The following FAM227A variants were observed in gnomAD, a reference collection of about 807,000 sequenced individuals.
FAM227A encodes protein FAM227A.
FAM227A carries 80 observed loss-of-function variants against 74.7 expected under a neutral mutation model. The observed-to-expected ratio is 1.07, with a 90% CI of 0.89 to 1.29. FAM227A has a LOEUF of 1.29. Ranked by LOEUF, FAM227A falls within the 50% of genes most tolerant of loss-of-function variation. The pLI, the probability that FAM227A is intolerant of heterozygous loss-of-function variation, is 0.00. For missense variants in FAM227A, 654 were observed against 683.4 expected, an observed-to-expected ratio of 0.96 and a Z score of 0.48; for synonymous variants, 237 against 241.8, an observed-to-expected ratio of 0.98 and a Z score of 0.19.
chr22:38,621,954 A>G (rs1390325221), intron 10 of FAM227A, among the ~76,000 whole-genome samples: 1 of 151,928 alleles, frequency 6.6e-6, no homozygotes, highest in African/African-American at 2.4e-5. Context: ...CTGCAGGACA[A>G]TTGTGTGGCC....
intron 4 of FAM227A, 52 bp from the exon 5 acceptor site, chr22:38,638,874 A>T: frequency 1.7e-6 from 2 of 1,188,292 alleles, no homozygotes; most frequent in Non-Finnish European, 2.4e-6. Flanking sequence ...GTCTGTCCAC[A>T]GCTGTGCGGT....
At chr22:38,633,834 C>G (rs527663354) in intron 6 of FAM227A, among the ~76,000 whole-genome samples, 1 of 152,248 alleles carries the variant, frequency 6.6e-6, no homozygotes, top group African/African-American at 2.4e-5. Context: ...GCCACTGTGC[C>G]CGGCCTATCA....
chr22:38,607,038 G>A (rs866602733), intron 12 of FAM227A, among the ~76,000 whole-genome samples: 5 of 151,984 alleles, frequency 3.3e-5, no homozygotes, highest in African/African-American at 4.8e-5. Context: ...TTAGCCAGGC[G>A]TGGTAGCGCA....
At chr22:38,634,281 C>G (rs1224715517) in intron 6 of FAM227A, among the ~76,000 whole-genome samples, 5 of 147,352 alleles carry the variant, frequency 3.4e-5, no homozygotes, top group Non-Finnish European at 3.0e-5. Flanking sequence ...TGATACTTTT[C>G]ATTCAACAAC....
chr22:38,617,003 G>A (rs561449054), intron 11 of FAM227A, among the ~76,000 whole-genome samples: 3 of 152,138 alleles, frequency 2.0e-5, no homozygotes, highest in Admixed American at 2.0e-4. Context: ...TGATTTCTCA[G>A]TGAAGACCTT....
chr22:38,621,349 CA>C lies in FAM227A; in HGVS notation c.959-1059del, dbSNP rs35716573. On this transcript the variant is annotated intron_variant, in intron 10 of 16. Coordinates refer to ENST00000535113, the MANE Select transcript of FAM227A (RefSeq NM_001013647.2). ...TGGGTGACACAGAAAGACTCTGTCT[CA>C]AAAAAAAAAAAAAGAAAGAAAAGAA... 4.4e-3 allele frequency among the ~76,000 whole-genome samples: 350 copies of C among 79,140 alleles called. 1 individual carries two copies. Among genetic ancestry groups the C allele is most frequent in the South Asian group, 0.024 (56 of 2,296 alleles). The allele number at this position is 79,140 out of a possible 152,430, so 51.9% of individuals were successfully genotyped here. A position where few individuals can be genotyped will look rare whatever the true frequency, so the allele number is the denominator to read the frequency against.
At chr22:38,620,757 C>T (rs1347402871) in intron 10 of FAM227A, among the ~76,000 whole-genome samples, 2 of 150,592 alleles carry the variant, frequency 1.3e-5, no homozygotes, top group Non-Finnish European at 3.0e-5. Context: ...TGCAGTGAGC[C>T]GAGATTGCGT....
chr22:38,626,088 G>T, intron 9 of FAM227A, 92 bp downstream of exon 9: 1 of 1,272,726 alleles, frequency 7.9e-7, no homozygotes, highest in Non-Finnish European at 1.1e-6. Context: ...CCTTCATGAA[G>T]GGGTGTCATA....
At chr22:38,591,743 C>G (rs1420272792) in intron 15 of FAM227A, among the ~76,000 whole-genome samples, 2 of 152,142 alleles carry the variant, frequency 1.3e-5, no homozygotes, top group South Asian at 2.1e-4. Context: ...ATGTAACCAG[C>G]ACTCGGATCG....
rs2091991553 is a variant in FAM227A, at chr22:38,635,785, A to T, written c.519+666T>A. 2.0e-5 allele frequency among the ~76,000 whole-genome samples: 3 copies of T among 152,310 alleles called. No homozygotes were observed. The South Asian group carries it at 6.2e-4, about 32-fold the overall frequency. On this transcript the variant is annotated intron_variant, in intron 6 of 16. Coordinates refer to ENST00000535113, the MANE Select transcript of FAM227A (RefSeq NM_001013647.2). Reference sequence around the variant, plus strand: ...AGGATGGGGAGGGGAAGATGGCTTGAGCCCTGGAGTTGGAGAATAGCCTGG... The same window carrying T: ...AGGATGGGGAGGGGAAGATGGCTTGTGCCCTGGAGTTGGAGAATAGCCTGG...
chr22:38,595,905 C>G (rs1257001704), intron 15 of FAM227A, among the ~76,000 whole-genome samples: 2 of 148,598 alleles, frequency 1.3e-5, no homozygotes. Flanking sequence ...GAGGAAATAT[C>G]AGAAAAACCC....
chr22:38,616,937 A>AG (rs1460051251), intron 11 of FAM227A, among the ~76,000 whole-genome samples: 1 of 150,784 alleles, frequency 6.6e-6, no homozygotes, highest in Non-Finnish European at 1.5e-5. Flanking sequence ...GAGGGTGCAG[A>AG]GGGGGGCAGG....
rs181359940 is a variant in FAM227A, at chr22:38,587,702, A to G, written c.1639-1503T>C. Among the ~76,000 whole-genome samples, 34 of 152,184 alleles carry G rather than the reference A, an allele frequency of 2.2e-4. No homozygotes were observed. In the East Asian group the frequency reaches 2.9e-3, roughly 13 times the overall value. ...CTCAAGCTCTTCCAAAAAATAGAAGAGGTAACAGTATTTCATAGCTCATTT... is the reference window on the plus strand; with the variant it reads ...CTCAAGCTCTTCCAAAAAATAGAAGGGGTAACAGTATTTCATAGCTCATTT... On this transcript the variant is annotated intron_variant, in intron 16 of 16. Transcript: ENST00000535113.
chr22:38,605,875 G>A (rs1472293758), intron 12 of FAM227A, among the ~76,000 whole-genome samples: 1 of 152,038 alleles, frequency 6.6e-6, no homozygotes, highest in East Asian at 1.9e-4. Flanking sequence ...ACTTCTCTGA[G>A]CCTCCATTTC....
In FAM227A at chr22:38,584,074, C is replaced by T. The variant is rs375755803; in HGVS notation, c.*2051G>A. The stretch of plus-strand genomic sequence containing the variant: ...GCCCCTCAGTGAAATATCTTCTGTC[C>T]CAAAGGGCTGCTGGCACACTGGCTT... On this transcript the variant is annotated 3_prime_UTR_variant, in exon 17 of 17. Transcript: ENST00000535113. 1.3e-5 allele frequency: 2 copies of T among 152,230 alleles called. No individual in the cohort carries two copies. The highest frequency in any genetic ancestry group is 4.8e-5 in the African/African-American group (2 of 41,436). 9.4% of individuals were successfully genotyped at this position (152,230 alleles called of 1,614,324 possible).
rs1171287146 is a variant in FAM227A at position 38,639,730 on chromosome 22, A to AAAACC, written c.226-11_226-7dup. 5 of 1,538,580 alleles carry AAAACC rather than the reference A, an allele frequency of 3.2e-6. No homozygotes were observed. The highest frequency in any genetic ancestry group is 4.4e-6 in the Non-Finnish European group (5 of 1,135,030). ...AACTCAAATCTCTCAATTGCCTTCA[A>AAAACC]AAACCAAGAAAAAGGGGGGCATTAG... On this transcript the variant is annotated splice_polypyrimidine_tract_variant and splice_region_variant and intron_variant, in intron 3 of 16. Transcript: ENST00000535113.
intron 13 of FAM227A, among the ~76,000 whole-genome samples, chr22:38,603,487 CAA>C (rs71197122): frequency 9.8e-5 from 12 of 123,068 alleles, no homozygotes; most frequent in Admixed American, 8.8e-5. Context: ...GACTCCGTCT[CAA>C]AAAAAAAAAA....
Position 38,628,360 on chromosome 22 carries a change from GA to G in FAM227A, c.622-19del. ...TTGTTTGGCTGCCAGGAATAGAAAT[GA>G]AAAAGGAATTACTAAAGTCCCTTGC... On this transcript the variant is annotated intron_variant, in intron 7 of 16. Transcript: ENST00000535113. 1.3e-6 allele frequency: 2 copies of G among 1,503,678 alleles called. No individual in the cohort carries two copies. The highest frequency in any genetic ancestry group is 2.0e-5 in the Admixed American group (1 of 49,634). The allele number at this position is 1,503,678 out of a possible 1,614,324, so 93.1% of individuals were successfully genotyped here. A position where few individuals can be genotyped will look rare whatever the true frequency, so the allele number is the denominator to read the frequency against.
chr22:38,610,867 C>G (rs1252109205), intron 11 of FAM227A, among the ~76,000 whole-genome samples: 1 of 152,080 alleles, frequency 6.6e-6, no homozygotes, highest in Non-Finnish European at 1.5e-5. Context: ...TGAGACCAGC[C>G]TGGCCAATAT....
Sources: gnomAD v4.1 joint callset for allele counts (sites outside exome capture counted in the v4.1 genomes callset) on GRCh38, gnomAD v4.1.1 for gene constraint, MANE v1.5 for transcripts, NCBI Gene and HGNC (gene_info 2026-07-23, HGNC 2026-07-21) for gene names.